The following MYO3B variants were observed in gnomAD, a reference collection of about 807,000 sequenced individuals.
MYO3B encodes myosin IIIB.
A neutral mutation model predicts 174.6 loss-of-function variants in MYO3B; 156 were observed. The ratio of observed to expected loss-of-function variants is 0.89; its 90% CI spans 0.78 to 1.02. The LOEUF (loss-of-function observed/expected upper bound fraction) is 1.02, where lower values mean the gene tolerates loss of function less well. MYO3B is among the 50% of genes least tolerant of loss of function. The pLI is 0.00. For synonymous variants in MYO3B, 563 were observed against 569.1 expected, an observed-to-expected ratio of 0.99 and a Z score of 0.15; for missense variants, 1,632 against 1,639.4, an observed-to-expected ratio of 1.00 and a Z score of 0.08.
intron 7 of MYO3B, among the ~76,000 whole-genome samples, chr2:170,306,475 A>G (rs892026260): frequency 4.6e-5 from 7 of 152,244 alleles, no homozygotes; most frequent in Admixed American, 2.0e-4. Flanking sequence ...AGAAATGTAC[A>G]TATACAATTT....
At chr2:170,571,782 G>A (rs759839450) in intron 32 of MYO3B, among the ~76,000 whole-genome samples, 1 of 152,118 alleles carries the variant, frequency 6.6e-6, no homozygotes, top group Non-Finnish European at 1.5e-5. Flanking sequence ...GTAATAGAGG[G>A]AGGAATCTGG....
intron 1 of MYO3B, among the ~76,000 whole-genome samples, chr2:170,188,317 T>A (rs181512852): frequency 3.3e-5 from 5 of 152,220 alleles, no homozygotes; most frequent in Admixed American, 6.5e-5. Context: ...TTTTTTTCCA[T>A]CCAAATAGAA....
intron 8 of MYO3B, 124 bp downstream of exon 8, chr2:170,335,574 G>A (rs12466203): frequency 0.62 from 426,797 of 689,036 alleles, 133,811 homozygotes; most frequent in East Asian, 0.71. Flanking sequence ...GTTATGACTC[G>A]GGGTTTGTTC....
chr2:170,461,240 C>T (rs566168596), intron 23 of MYO3B, among the ~76,000 whole-genome samples: 25 of 152,040 alleles, frequency 1.6e-4, no homozygotes, highest in African/African-American at 3.9e-4. Flanking sequence ...TTTGGGAGGC[C>T]GAGGCGGGTG....
At chr2:170,349,400 A>G (rs946309235) in intron 8 of MYO3B, 2 of 152,180 alleles carry the variant, frequency 1.3e-5, no homozygotes, top group Non-Finnish European at 2.9e-5. Context: ...ACTGCTTCAT[A>G]TCCCCAATAC....
chr2:170,186,814 T>C (rs2092470243), intron 1 of MYO3B, among the ~76,000 whole-genome samples: 1 of 152,168 alleles, frequency 6.6e-6, no homozygotes, highest in Admixed American at 6.5e-5. Flanking sequence ...TACTGGTCTA[T>C]TTAGTTTTTG....
intron 8 of MYO3B, chr2:170,350,920 G>A (rs1558913783): frequency 6.6e-6 from 1 of 152,074 alleles, no homozygotes; most frequent in Non-Finnish European, 1.5e-5. Flanking sequence ...TAAAGGTGAT[G>A]CCTTAGGTTT....
chr2:170,463,500 C>T, intron 24 of MYO3B, 55 bp downstream of exon 24: 1 of 1,492,436 alleles, frequency 6.7e-7, no homozygotes, highest in South Asian at 1.2e-5. Flanking sequence ...ACTGTCTAAG[C>T]CTTCTTATGA....
At chr2:170,511,081 A>G (rs1687951288) in intron 28 of MYO3B, among the ~76,000 whole-genome samples, 2 of 143,972 alleles carry the variant, frequency 1.4e-5, no homozygotes, top group Non-Finnish European at 3.0e-5. Context: ...TTTTTTTGAG[A>G]CGGAGTCTCA....
chr2:170,408,247 G>T (rs1399661632), intron 22 of MYO3B, among the ~76,000 whole-genome samples: 1 of 152,202 alleles, frequency 6.6e-6, no homozygotes, highest in Non-Finnish European at 1.5e-5. Context: ...AAAGGAGTGT[G>T]TTGAATCAGA....
intron 32 of MYO3B, among the ~76,000 whole-genome samples, chr2:170,620,195 A>G (rs1695796616): frequency 2.0e-5 from 3 of 151,378 alleles, no homozygotes; most frequent in African/African-American, 4.9e-5. Context: ...TTCCAAACCA[A>G]AAAAAAAACA....
At chr2:170,318,870 C>A (rs1275261052) in intron 7 of MYO3B, among the ~76,000 whole-genome samples, 1 of 152,076 alleles carries the variant, frequency 6.6e-6, no homozygotes, top group African/African-American at 2.4e-5. Context: ...TAGTATTAGC[C>A]CTAGTGGTGT....
chr2:170,544,107 G>A lies in MYO3B; in HGVS notation c.3733+119G>A, dbSNP rs1330389386. 5.9e-6 allele frequency: 4 copies of A among 679,958 alleles called. No homozygotes were observed. In the Admixed American group the frequency reaches 1.1e-4, roughly 19 times the overall value. The allele number at this position is 679,958 out of a possible 1,614,324, so 42.1% of individuals were successfully genotyped here. A position where few individuals can be genotyped will look rare whatever the true frequency, so the allele number is the denominator to read the frequency against. ...TAATATGACCAAATGTTGGCAAAAAGTTTTGGGAAGCCATACATGCTGGAT... is the reference window on the plus strand; with the variant it reads ...TAATATGACCAAATGTTGGCAAAAAATTTTGGGAAGCCATACATGCTGGAT... On this transcript the variant is annotated intron_variant, in intron 32 of 34. Transcript: ENST00000408978.
At chr2:170,652,242 G>T in intron 34 of MYO3B, 88 bp downstream of exon 34, 1 of 1,222,100 alleles carries the variant, frequency 8.2e-7, no homozygotes, top group South Asian at 1.3e-5. Context: ...TTCCAGAGAG[G>T]CTTCTAAAAA....
chr2:170,205,257 G>C (rs2092702287), intron 3 of MYO3B, among the ~76,000 whole-genome samples: 1 of 152,074 alleles, frequency 6.6e-6, no homozygotes. Flanking sequence ...TTATAAGTTG[G>C]CTACCTATAT....
At chr2:170,470,418 G>T (rs1256669262) in intron 25 of MYO3B, among the ~76,000 whole-genome samples, 8 of 152,032 alleles carry the variant, frequency 5.3e-5, no homozygotes, top group African/African-American at 9.7e-5. Context: ...AATGAATACT[G>T]GTACTATGTA....
intron 25 of MYO3B, among the ~76,000 whole-genome samples, chr2:170,496,728 C>G (rs1201081902): frequency 6.6e-6 from 1 of 151,566 alleles, no homozygotes; most frequent in Non-Finnish European, 1.5e-5. Flanking sequence ...CACTGCAGCC[C>G]CAAACTCTGG....
intron 32 of MYO3B, among the ~76,000 whole-genome samples, chr2:170,607,312 C>T (rs1045361942): frequency 3.3e-5 from 5 of 152,210 alleles, no homozygotes; most frequent in East Asian, 1.9e-4. Context: ...CCCACAACTT[C>T]GTGGCTTACA....
chr2:170,335,940 C>T (rs1387894369), intron 8 of MYO3B, among the ~76,000 whole-genome samples: 2 of 152,088 alleles, frequency 1.3e-5, no homozygotes, highest in Admixed American at 6.6e-5. Flanking sequence ...TAAGGTATCC[C>T]AGCCAAGGCT....
Sources: allele counts gnomAD v4.1 joint callset (sites outside exome capture counted in the v4.1 genomes callset), GRCh38; gene constraint gnomAD v4.1.1; transcripts MANE v1.5; gene names NCBI Gene and HGNC (gene_info 2026-07-23, HGNC 2026-07-21).